CARF: variants seen among roughly 807,000 people sequenced by gnomAD.
The protein encoded by CARF is calcium-responsive transcription factor.
In CARF, 57 loss-of-function variants were observed where a neutral mutation model predicts 82.0. The ratio of observed to expected loss-of-function variants is 0.70; its 90% confidence interval spans 0.56 to 0.87. CARF has a LOEUF of 0.87. Ranked by LOEUF, CARF falls within the 40% of genes least tolerant of loss-of-function variation. The pLI is 0.00. For synonymous variants in CARF, 268 were observed against 290.1 expected, an observed-to-expected ratio of 0.92 and a Z score of 0.77; for missense variants, 771 against 855.8, an observed-to-expected ratio of 0.90 and a Z score of 1.24.
Position 202,951,550 on chromosome 2 carries a change from G to A in CARF, c.307-1009G>A, listed in dbSNP as rs1206830796. On this transcript the variant is annotated intron_variant, in intron 5 of 16. Coordinates refer to ENST00000438828, the MANE Select transcript of CARF (RefSeq NM_024744.17). Reference sequence around the variant, plus strand: ...TTCCAGACTTTTTGGAAGTCTGGAAGCATCAGATAGACTTAAATTCAAATA... The same window carrying A: ...TTCCAGACTTTTTGGAAGTCTGGAAACATCAGATAGACTTAAATTCAAATA... 3.3e-5 allele frequency among the ~76,000 whole-genome samples: 5 copies of A among 152,026 alleles called. No homozygotes were observed. In the East Asian group the frequency reaches 9.7e-4, roughly 29 times the overall value.
chr2:202,934,077 A>G (rs1681782832), intron 3 of CARF, among the ~76,000 whole-genome samples: 1 of 152,134 alleles, frequency 6.6e-6, no homozygotes, highest in South Asian at 2.1e-4. Context: ...AAAATCTCAT[A>G]ATGTTTTAAG....
At chr2:202,980,641 T>TATATATAG in intron 14 of CARF, among the ~76,000 whole-genome samples, 1 of 85,570 alleles carries the variant, frequency 1.2e-5, no homozygotes, top group Non-Finnish European at 2.5e-5. Flanking sequence ...TATATATATA[T>TATATATAG]ATATATATAT....
chr2:202,977,951 T>A (rs1374503639), intron 14 of CARF, among the ~76,000 whole-genome samples: 2 of 152,108 alleles, frequency 1.3e-5, no homozygotes, highest in African/African-American at 4.8e-5. Context: ...GTTCAAGTGG[T>A]TCTTCAGCCT....
intron 8 of CARF, among the ~76,000 whole-genome samples, chr2:202,956,405 GCCA>G (rs2059044367): frequency 6.6e-6 from 1 of 151,874 alleles, no homozygotes; most frequent in Non-Finnish European, 1.5e-5. Context: ...ACAGGCATGT[GCCA>G]CCACACCTGG....
intron 9 of CARF, chr2:202,962,407 C>G (rs555457263): frequency 1.1e-4 from 17 of 152,232 alleles, no homozygotes; most frequent in African/African-American, 4.1e-4. Flanking sequence ...GGAAGGATCA[C>G]TTGACCCTTG....
intron 5 of CARF, among the ~76,000 whole-genome samples, chr2:202,950,785 T>C (rs565350918): frequency 6.6e-6 from 1 of 152,202 alleles, no homozygotes; most frequent in Non-Finnish European, 1.5e-5. Flanking sequence ...GTGCTGCCAC[T>C]TCCTATGAAC....
At chr2:202,981,473 C>A in intron 14 of CARF, 82 bp from the exon 15 acceptor site, 2 of 1,016,642 alleles carry the variant, frequency 2.0e-6, no homozygotes, top group Non-Finnish European at 2.8e-6. Context: ...TTAGTTCTGA[C>A]AGAAAGGGTT....
In CARF at chr2:202,982,155, T is replaced by A. The variant is rs1456120469; in HGVS notation, c.1773T>A (p.Pro591=). 22 of 1,614,088 alleles carry A rather than the reference T, an allele frequency of 1.4e-5. No homozygotes were observed. The highest frequency in any genetic ancestry group is 1.9e-5 in the Non-Finnish European group (22 of 1,180,030). ...VSVNNQPSSS[P]SGLLDTIGSA... ...TAAATAACCAGCCGTCCTCTAGTCC[T>A]TCAGGACTTCTGGATACAATAGGAA... The change falls in exon 16 of 17, where the codon CCT becomes CCA. Residue 591 remains proline (P), a synonymous_variant. Transcript: ENST00000438828.
At chr2:202,967,606 T>C (rs2059607269) in intron 10 of CARF, among the ~76,000 whole-genome samples, 1 of 152,176 alleles carries the variant, frequency 6.6e-6, no homozygotes, top group Admixed American at 6.5e-5. Flanking sequence ...CCATATAATA[T>C]TCCATTTATG....
intron 14 of CARF, among the ~76,000 whole-genome samples, chr2:202,979,903 A>G (rs1405695632): frequency 6.6e-6 from 1 of 152,154 alleles, no homozygotes; most frequent in East Asian, 1.9e-4. Flanking sequence ...TACTCTGGCC[A>G]TTTTAAAATC....
rs529188557 is a variant in CARF, at chr2:202,969,499, T to C, written c.954-420T>C. ...CTGAGGCAGGAGAATCACTGGAATCTGGGAGGTGGAGGTTGTGGTGAGCTG... is the reference window on the plus strand; with the variant it reads ...CTGAGGCAGGAGAATCACTGGAATCCGGGAGGTGGAGGTTGTGGTGAGCTG... On this transcript the variant is annotated intron_variant, in intron 10 of 16. Coordinates refer to ENST00000438828, the MANE Select transcript of CARF (RefSeq NM_024744.17). Among the ~76,000 whole-genome samples, 2 of 152,146 alleles carry C rather than the reference T, an allele frequency of 1.3e-5. 1 individual carries two copies. The highest frequency in any genetic ancestry group is 4.2e-4 in the South Asian group (2 of 4,818).
chr2:202,951,901 C>A (rs991259809), intron 5 of CARF, among the ~76,000 whole-genome samples: 9 of 151,052 alleles, frequency 6.0e-5, no homozygotes, highest in African/African-American at 2.2e-4. Flanking sequence ...GGCGCGATCT[C>A]GGCTCACTGC....
rs2060353479 is a variant in CARF, at chr2:202,983,658, T to C, written c.*34T>C. 1 of 1,272,078 alleles carries C rather than the reference T, an allele frequency of 7.9e-7. No individual in the cohort carries two copies. Among genetic ancestry groups the C allele is most frequent in the Non-Finnish European group, 1.1e-6 (1 of 878,126 alleles). 78.8% of individuals were successfully genotyped at this position (1,272,078 alleles called of 1,614,324 possible). A position where few individuals can be genotyped will look rare whatever the true frequency, so the allele number is the denominator to read the frequency against. ...AGCTTTTCAGAATTTACAACTCTGGTGACTTCTGATGTCTTAGAAAGGAAG... is the reference window on the plus strand; with the variant it reads ...AGCTTTTCAGAATTTACAACTCTGGCGACTTCTGATGTCTTAGAAAGGAAG... On this transcript the variant is annotated 3_prime_UTR_variant, in exon 17 of 17. Coordinates refer to ENST00000438828, the MANE Select transcript of CARF (RefSeq NM_024744.17).
In CARF at chr2:202,969,911, G is replaced by A. The variant is rs1255580959; in HGVS notation, c.954-8G>A. On this transcript the variant is annotated splice_region_variant and splice_polypyrimidine_tract_variant and intron_variant, in intron 10 of 16. Transcript: ENST00000438828. ...AATGAAACAAATTCTTCTTTATCTT[G>A]TATAAAGGATTTACATTAAAAAGGT... The A allele has an allele frequency of 1.4e-6, 2 of 1,448,818 alleles. No individual in the cohort carries two copies. The highest frequency in any genetic ancestry group is 1.4e-5 in the South Asian group (1 of 72,500). 89.7% of individuals were successfully genotyped at this position (1,448,818 alleles called of 1,614,324 possible).
chr2:202,981,680 C>G lies in CARF; in HGVS notation c.1684C>G (p.Leu562Val), dbSNP rs367880108. The G allele has an allele frequency of 6.2e-7, 1 of 1,610,518 alleles. No individual in the cohort carries two copies. The highest frequency in any genetic ancestry group is 1.3e-5 in the African/African-American group (1 of 74,854). ...SSFQPKIFTQ[L>V]QGLQLQPRYT... ...ATTTCAGCCCAAAATATTTACACAA[C>G]TACAGGTAGGTATCCAGTAAAATAT... The change falls in exon 15 of 17, where the codon CTA (leucine) becomes GTA (valine). Residue 562 changes from leucine to valine, a missense_variant. Transcript: ENST00000438828.
chr2:202,923,812 A>G (rs1691296369), intron 2 of CARF, among the ~76,000 whole-genome samples: 1 of 152,246 alleles, frequency 6.6e-6, no homozygotes, highest in African/African-American at 2.4e-5. Flanking sequence ...GAACCCAGAA[A>G]TAAACCCACA....
Position 202,941,990 on chromosome 2 carries a change from C to T in CARF, c.78+10C>T. On this transcript the variant is annotated intron_variant, in intron 4 of 16. Coordinates refer to ENST00000438828, the MANE Select transcript of CARF (RefSeq NM_024744.17). ...TGCTCAAGTATTTGAGGTATGGATTCAGCTGGGAACCTTTTTCCATCCTAG... is the reference window on the plus strand; with the variant it reads ...TGCTCAAGTATTTGAGGTATGGATTTAGCTGGGAACCTTTTTCCATCCTAG... The T allele has an allele frequency of 6.2e-7, 1 of 1,609,860 alleles. No homozygotes were observed. The highest frequency in any genetic ancestry group is 8.5e-7 in the Non-Finnish European group (1 of 1,176,492).
At chr2:202,935,349 G>A (rs1307802910) in intron 3 of CARF, among the ~76,000 whole-genome samples, 1 of 144,804 alleles carries the variant, frequency 6.9e-6, no homozygotes, top group Non-Finnish European at 1.5e-5. Context: ...TATATTAGTA[G>A]AATAGTAAAT....
intron 3 of CARF, among the ~76,000 whole-genome samples, chr2:202,935,656 T>C (rs1400750020): frequency 6.6e-6 from 1 of 151,964 alleles, no homozygotes; most frequent in Non-Finnish European, 1.5e-5. Context: ...AACTCCTGGG[T>C]TCCGGTGATC....
Sources: gnomAD v4.1 joint callset for allele counts (sites outside exome capture counted in the v4.1 genomes callset) on GRCh38, gnomAD v4.1.1 for gene constraint, MANE v1.5 for transcripts, NCBI Gene and HGNC (gene_info 2026-07-23, HGNC 2026-07-21) for gene names.